Variants in MAP2K1 observed in about 807,000 individuals in gnomAD.
MAP2K1 encodes dual specificity mitogen-activated protein kinase kinase 1.
In MAP2K1, 16 loss-of-function variants were observed where a neutral mutation model predicts 46.3. That is an observed-to-expected ratio of 0.35 (90% CI 0.23 to 0.52). MAP2K1 has a LOEUF of 0.52. Among genes scored for constraint, MAP2K1 ranks in the 20% least tolerant of loss-of-function variants. MAP2K1 has a pLI of 0.94. For synonymous variants in MAP2K1, 183 were observed against 185.6 expected (o/e 0.99, Z 0.11); for missense variants, 263 against 497.1 (o/e 0.53, Z 4.48).
intron 5 of MAP2K1, among the ~76,000 whole-genome samples, chr15:66,456,776 C>T (rs1372326645): frequency 6.6e-6 from 1 of 152,222 alleles, no homozygotes. Context: ...TGTGGTACAA[C>T]AGATGGCGCC....
At chr15:66,422,955 TG>T (rs1169641163) in intron 1 of MAP2K1, among the ~76,000 whole-genome samples, 1 of 151,988 alleles carries the variant, frequency 6.6e-6, no homozygotes, top group East Asian at 1.9e-4. Flanking sequence ...ATTTCTTTTT[TG>T]TTTTTTTGTT....
rs903706032 is a variant in MAP2K1, at chr15:66,489,543, C to G, written c.1023-175C>G. 2.2e-5 allele frequency: 16 copies of G among 713,196 alleles called. No individual in the cohort carries two copies. In the African/African-American group the frequency reaches 2.7e-4, roughly 12 times the overall value. The allele number at this position is 713,196 out of a possible 1,614,324, so 44.2% of individuals were successfully genotyped here. A position where few individuals can be genotyped will look rare whatever the true frequency, so the allele number is the denominator to read the frequency against. On this transcript the variant is annotated intron_variant, in intron 9 of 10. Transcript: ENST00000307102. ...GTTGCTTTTTGACCTTAGTTTAACT[C>G]AGCAAGAATGTATTAACTTACTGTG... is the stretch of plus-strand genomic sequence containing the variant.
At chr15:66,489,363 T>C in intron 9 of MAP2K1, 87 bp downstream of exon 9, 1 of 1,290,404 alleles carries the variant, frequency 7.7e-7, no homozygotes, top group Non-Finnish European at 1.1e-6. Context: ...GCATTGCTTC[T>C]GCAGGCAGAG....
At chr15:66,435,921 A>G (rs959479857) in intron 2 of MAP2K1, among the ~76,000 whole-genome samples, 1 of 152,170 alleles carries the variant, frequency 6.6e-6, no homozygotes, top group Non-Finnish European at 1.5e-5. Context: ...GCATTATAGC[A>G]TCTGAACTCC....
At chr15:66,426,389 TGGC>T (rs1325945283) in intron 1 of MAP2K1, among the ~76,000 whole-genome samples, 1 of 151,806 alleles carries the variant, frequency 6.6e-6, no homozygotes, top group East Asian at 1.9e-4. Context: ...TATAATTACT[TGGC>T]ATAAGTCGCA....
chr15:66,399,313 A>C (rs1469660775), intron 1 of MAP2K1, among the ~76,000 whole-genome samples: 1 of 152,228 alleles, frequency 6.6e-6, no homozygotes, highest in Non-Finnish European at 1.5e-5. Flanking sequence ...AAAGTACCCC[A>C]AAAGCAAAAC....
intron 1 of MAP2K1, among the ~76,000 whole-genome samples, chr15:66,407,493 T>G (rs2093400495): frequency 6.6e-6 from 1 of 152,238 alleles, no homozygotes; most frequent in African/African-American, 2.4e-5. Flanking sequence ...ACCAACTCTG[T>G]GCCTCAGGTT....
rs1227788882 is a variant in MAP2K1 at position 66,472,089 on chromosome 15, A to AAAG, written c.569-9664_569-9663insGAA. Among the ~76,000 whole-genome samples, 314 of 150,842 alleles carry AAAG rather than the reference A, an allele frequency of 2.1e-3. 2 individuals are homozygous for AAAG. The highest frequency in any genetic ancestry group is 6.8e-3 in the African/African-American group (279 of 41,046). On this transcript the variant is annotated intron_variant, in intron 5 of 10. Coordinates refer to ENST00000307102, the MANE Select transcript of MAP2K1 (RefSeq NM_002755.4). Reference sequence around the variant, plus strand: ...AGACTCCATCTCAAAAAAAAAAAAAAAAAAGATGCTGTTAGCTAGCCTGGC... The same window carrying AAAG: ...AGACTCCATCTCAAAAAAAAAAAAAAAAGAAAAGATGCTGTTAGCTAGCCTGGC...
intron 5 of MAP2K1, among the ~76,000 whole-genome samples, chr15:66,470,925 A>G (rs915839003): frequency 6.6e-6 from 1 of 152,222 alleles, no homozygotes; most frequent in African/African-American, 2.4e-5. Context: ...ACATCAGTAT[A>G]TGTAAGATGT....
chr15:66,491,522 TA>T lies in MAP2K1; in HGVS notation c.*917del, dbSNP rs886051370. On this transcript the variant is annotated 3_prime_UTR_variant, in exon 11 of 11. Coordinates refer to ENST00000307102, the MANE Select transcript of MAP2K1 (RefSeq NM_002755.4). ...TTATTCTAATAAATATACTATGAAATAAAAAAAAAAGGATGAAAGCTACTTT... is the reference window on the plus strand; with the variant it reads ...TTATTCTAATAAATATACTATGAAATAAAAAAAAAGGATGAAAGCTACTTT... The T allele has an allele frequency of 3.3e-3, 598 of 182,072 alleles. No homozygotes were observed. The highest frequency in any genetic ancestry group is 7.7e-3 in the East Asian group (81 of 10,452). 11.3% of individuals were successfully genotyped at this position (182,072 alleles called of 1,614,324 possible).
chr15:66,442,115 C>T (rs1379163362), intron 3 of MAP2K1, among the ~76,000 whole-genome samples: 3 of 152,180 alleles, frequency 2.0e-5, no homozygotes, highest in African/African-American at 4.8e-5. Context: ...TGCCTCTGTC[C>T]GGCACCCCAT....
At chr15:66,397,808 A>G (rs924754289) in intron 1 of MAP2K1, among the ~76,000 whole-genome samples, 3 of 152,184 alleles carry the variant, frequency 2.0e-5, no homozygotes, top group African/African-American at 7.2e-5. Context: ...CTAGTCTCTT[A>G]AAAAGTCAGT....
chr15:66,425,153 C>G (rs2093454506), intron 1 of MAP2K1, among the ~76,000 whole-genome samples: 2 of 152,142 alleles, frequency 1.3e-5, no homozygotes, highest in Non-Finnish European at 2.9e-5. Context: ...GGGGTTTTCC[C>G]AGCATTCTTT....
intron 1 of MAP2K1, among the ~76,000 whole-genome samples, chr15:66,396,171 A>G (rs1253547627): frequency 6.6e-6 from 1 of 151,996 alleles, no homozygotes; most frequent in Admixed American, 6.6e-5. Flanking sequence ...ACATCTGGCT[A>G]ATTTTTGTAT....
At position 66,387,316 on chromosome 15, in the gene MAP2K1, C is replaced by G. The variant is rs761617161; in HGVS notation, c.-32C>G. On this transcript the variant is annotated 5_prime_UTR_variant, in exon 1 of 11. Transcript: ENST00000307102. ...GGAAGCGAGAGGTGCTGCCCTCCCC[C>G]CGGAGTTGGAAGCGCGTTACCCGGG... 7 of 1,537,942 alleles carry G rather than the reference C, an allele frequency of 4.6e-6. No individual in the cohort carries two copies. The South Asian group carries it at 6.0e-5, about 13-fold the overall frequency.
At chr15:66,411,308 A>G (rs1272722118) in intron 1 of MAP2K1, among the ~76,000 whole-genome samples, 1 of 152,162 alleles carries the variant, frequency 6.6e-6, no homozygotes, top group East Asian at 1.9e-4. Context: ...TGTCATGAAT[A>G]TACTAGGGTC....
chr15:66,452,567 T>C (rs1183376441), intron 5 of MAP2K1, among the ~76,000 whole-genome samples: 3 of 152,184 alleles, frequency 2.0e-5, no homozygotes, highest in African/African-American at 4.8e-5. Context: ...CATGGAGTTA[T>C]GTTCTAGGCT....
intron 3 of MAP2K1, among the ~76,000 whole-genome samples, chr15:66,440,488 G>A (rs2093500784): frequency 6.6e-6 from 1 of 152,178 alleles, no homozygotes; most frequent in African/African-American, 2.4e-5. Flanking sequence ...CTAGAAATAA[G>A]CTCTGTGTGC....
chr15:66,417,321 G>A (rs781551177), intron 1 of MAP2K1, among the ~76,000 whole-genome samples: 14 of 152,166 alleles, frequency 9.2e-5, no homozygotes, highest in Middle Eastern at 3.4e-3. Context: ...TGTAATCCCC[G>A]CACTTTGGGA....
Sources: allele counts gnomAD v4.1 joint callset (sites outside exome capture counted in the v4.1 genomes callset), GRCh38; gene constraint gnomAD v4.1.1; transcripts MANE v1.5; gene names NCBI Gene and HGNC (gene_info 2026-07-23, HGNC 2026-07-21).